RBBP5: variants seen among roughly 807,000 people sequenced by gnomAD.
RBBP5 encodes RB binding protein 5, histone lysine methyltransferase complex subunit.
Under a neutral mutation model 72.2 loss-of-function variants are expected in RBBP5, and 5 were observed. The observed-to-expected ratio is 0.07, with a 90% confidence interval of 0.04 to 0.15. The LOEUF is 0.15. Among genes scored for constraint, RBBP5 ranks in the 10% least tolerant of loss-of-function variants. The pLI is 1.00. For synonymous variants in RBBP5, 209 were observed against 237.2 expected, an observed-to-expected ratio of 0.88 and a Z score of 1.09; for missense variants, 322 against 652.2, an observed-to-expected ratio of 0.49 and a Z score of 5.51.
At chr1:205,121,657 G>C (rs994434841) in intron 1 of RBBP5, among the ~76,000 whole-genome samples, 198 bp downstream of exon 1, 1 of 152,150 alleles carries the variant, frequency 6.6e-6, no homozygotes, top group African/African-American at 2.4e-5. Flanking sequence ...TGATATGAAA[G>C]TGGCCTCGGG....
chr1:205,115,148 C>T (rs1399826679), intron 2 of RBBP5, among the ~76,000 whole-genome samples, 187 bp from the exon 3 acceptor site: 2 of 152,108 alleles, frequency 1.3e-5, no homozygotes, highest in Non-Finnish European at 2.9e-5. Flanking sequence ...TTAAAGCTAA[C>T]CATGGATTCT....
chr1:205,090,896 A>C (rs1383899159), intron 13 of RBBP5, among the ~76,000 whole-genome samples: 1 of 152,146 alleles, frequency 6.6e-6, no homozygotes, highest in African/African-American at 2.4e-5. Flanking sequence ...GGAGAGAAAA[A>C]CAAAGAGAGA....
At position 205,105,117 on chromosome 1, in the gene RBBP5, C is replaced by G. The variant is rs141195486; in HGVS notation, c.270G>C (p.Val90=). The G allele has an allele frequency of 1.2e-6, 2 of 1,613,728 alleles. No individual in the cohort carries two copies. The highest frequency in any genetic ancestry group is 1.7e-5 in the Admixed American group (1 of 60,006). Residue 90 remains valine (V), a synonymous_variant, in exon 4 of 14, where the codon GTG becomes GTC. Transcript: ENST00000264515. ...KLVSASTDNI[V]SQWDVLSGDC... is the part of the protein sequence containing the mutation. Reference sequence around the variant, plus strand: ...CGCCTGAAAGAACATCCCACTGTGACACTATGTTATCAGTGGAAGCACTCA... The same window carrying G: ...CGCCTGAAAGAACATCCCACTGTGAGACTATGTTATCAGTGGAAGCACTCA...
intron 5 of RBBP5, 55 bp downstream of exon 5, chr1:205,103,802 A>T (rs1181466161): frequency 6.4e-7 from 1 of 1,564,636 alleles, no homozygotes; most frequent in African/African-American, 1.4e-5. Flanking sequence ...CAAAACAAGT[A>T]AACATTAAAT....
At chr1:205,114,714 C>G in intron 3 of RBBP5, 75 bp downstream of exon 3, 3 of 1,280,676 alleles carry the variant, frequency 2.3e-6, no homozygotes, top group Non-Finnish European at 2.1e-6. Flanking sequence ...ATTAAAATAT[C>G]TACAATGAGA....
Position 205,107,087 on chromosome 1 carries a change from T to TATATACACAC in RBBP5, c.219-1920_219-1919insGTGTGTATAT, listed in dbSNP as rs1553354327. 8.8e-4 allele frequency among the ~76,000 whole-genome samples: 132 copies of TATATACACAC among 149,978 alleles called. 1 individual carries two copies. The highest frequency in any genetic ancestry group is 3.1e-3 in the African/African-American group (125 of 40,940). ...GTGTGTGTGTATACATATATATATATACACACACACACACATATGTATCTA... is the reference window on the plus strand; with the variant it reads ...GTGTGTGTGTATACATATATATATATATATACACACACACACACACACACATATGTATCTA... On this transcript the variant is annotated intron_variant, in intron 3 of 13. Transcript: ENST00000264515.
At chr1:205,112,922 A>G (rs1285347999) in intron 3 of RBBP5, among the ~76,000 whole-genome samples, 3 of 152,202 alleles carry the variant, frequency 2.0e-5, no homozygotes, top group African/African-American at 7.2e-5. Flanking sequence ...CAGGAGTTCA[A>G]GACAAGCCTG....
chr1:205,102,392 T>C (rs1655867871), intron 5 of RBBP5, among the ~76,000 whole-genome samples: 1 of 152,042 alleles, frequency 6.6e-6, no homozygotes, highest in South Asian at 2.1e-4. Context: ...TGAAACTAAG[T>C]GAAATAAGCC....
intron 3 of RBBP5, among the ~76,000 whole-genome samples, chr1:205,108,398 G>A (rs1656169396): frequency 6.6e-6 from 1 of 152,146 alleles, no homozygotes; most frequent in African/African-American, 2.4e-5. Context: ...GGAAGGTAAG[G>A]TTTCTACACT....
chr1:205,113,459 T>C (rs1656397559), intron 3 of RBBP5, among the ~76,000 whole-genome samples: 1 of 152,038 alleles, frequency 6.6e-6, no homozygotes, highest in South Asian at 2.1e-4. Context: ...TTTTTACTTT[T>C]TGTAGAGATG....
intron 1 of RBBP5, among the ~76,000 whole-genome samples, chr1:205,121,203 C>CT (rs1463858566): frequency 1.3e-5 from 2 of 152,138 alleles, no homozygotes; most frequent in East Asian, 3.9e-4. Flanking sequence ...TTTAAATAAT[C>CT]TGGATAGGAG....
chr1:205,107,087 T>TATATATACACAC (rs1553354327), intron 3 of RBBP5, among the ~76,000 whole-genome samples: 1 of 149,866 alleles, frequency 6.7e-6, no homozygotes, highest in African/African-American at 2.4e-5. Flanking sequence ...TATATATATA[T>TATATATACACAC]ACACACACAC....
At chr1:205,119,567 T>TCC (rs936038675) in intron 1 of RBBP5, among the ~76,000 whole-genome samples, 1 of 152,174 alleles carries the variant, frequency 6.6e-6, no homozygotes, top group African/African-American at 2.4e-5. Context: ...TGCCCTTGTC[T>TCC]CCCACACCAT....
At position 205,088,725 on chromosome 1, in the gene RBBP5, A is replaced by G; in HGVS notation, c.*62T>C. ...ATTAAAGTCAATTTTCAAATGACTG[A>G]CCACAGTGTCCAGAGGCCACATGAT... On this transcript the variant is annotated 3_prime_UTR_variant, in exon 14 of 14. Transcript: ENST00000264515. 2 of 1,504,524 alleles carry G rather than the reference A, an allele frequency of 1.3e-6. No individual in the cohort carries two copies. Among genetic ancestry groups the G allele is most frequent in the Non-Finnish European group, 1.8e-6 (2 of 1,094,092 alleles). The allele number at this position is 1,504,524 out of a possible 1,614,324, so 93.2% of individuals were successfully genotyped here.
chr1:205,104,197 T>C (rs1481941332), intron 4 of RBBP5, among the ~76,000 whole-genome samples, 178 bp from the exon 5 acceptor site: 1 of 151,916 alleles, frequency 6.6e-6, no homozygotes, highest in African/African-American at 2.4e-5. Context: ...TGAGTAAAAT[T>C]AGTCTTGACA....
chr1:205,110,928 G>C (rs1026799119), intron 3 of RBBP5, among the ~76,000 whole-genome samples: 1 of 152,074 alleles, frequency 6.6e-6, no homozygotes, highest in Non-Finnish European at 1.5e-5. Context: ...GCCGGGCGTG[G>C]TGGCCTGCTT....
In RBBP5 at chr1:205,087,144, T is replaced by C. The variant is rs1229792063; in HGVS notation, c.*1643A>G. On this transcript the variant is annotated 3_prime_UTR_variant, in exon 14 of 14. Transcript: ENST00000264515. ...CTACTTTGATTTCTATCCTAAAATC[T>C]AACAGGTAATCAATGTGTTTGGCTA... 1.3e-5 allele frequency: 2 copies of C among 151,980 alleles called. No homozygotes were observed. The highest frequency in any genetic ancestry group is 2.9e-5 in the Non-Finnish European group (2 of 68,018). 9.4% of individuals were successfully genotyped at this position (151,980 alleles called of 1,614,324 possible).
At position 205,116,136 on chromosome 1, in the gene RBBP5, A is replaced by T. The variant is rs190031909; in HGVS notation, c.20-253T>A. On this transcript the variant is annotated intron_variant, in intron 1 of 13. Coordinates refer to ENST00000264515, the MANE Select transcript of RBBP5 (RefSeq NM_005057.4). ...GATATTGAAACAGAGTGAGGGCAGA[A>T]GCAGATGTGAGAAGTCCCCCAACTT... is the stretch of plus-strand genomic sequence containing the variant. 2.1e-5 allele frequency: 13 copies of T among 610,916 alleles called. No individual in the cohort carries two copies. The Middle Eastern group carries it at 1.7e-3, about 78-fold the overall frequency. The allele number at this position is 610,916 out of a possible 1,614,324, so 37.8% of individuals were successfully genotyped here.
rs781742862 is a variant in RBBP5 at position 205,099,732 on chromosome 1, A to G, written c.978+9T>C. ...ACTAGTTTCGAAGCAAGTAAAATAG[A>G]ATACTTACTACTTGATTCTGTGCCC... is the stretch of plus-strand genomic sequence containing the variant. On this transcript the variant is annotated intron_variant, in intron 9 of 13. Coordinates refer to ENST00000264515, the MANE Select transcript of RBBP5 (RefSeq NM_005057.4). This position sits in a 1 kb window ranked among gnomAD's most constrained non-coding sequence, Gnocchi z 4.7. The G allele has an allele frequency of 6.2e-7, 1 of 1,600,608 alleles. No individual in the cohort carries two copies. Among genetic ancestry groups the G allele is most frequent in the Non-Finnish European group, 8.6e-7 (1 of 1,168,204 alleles).
Sources: gnomAD v4.1 joint callset for allele counts (sites outside exome capture counted in the v4.1 genomes callset) on GRCh38, gnomAD v4.1.1 for gene constraint, Gnocchi (gnomAD v3.1) non-coding constraint, MANE v1.5 for transcripts, NCBI Gene and HGNC (gene_info 2026-07-23, HGNC 2026-07-21) for gene names.